Variants in POLA1 observed in about 807,000 individuals in gnomAD.
The protein encoded by POLA1 is DNA polymerase alpha catalytic subunit.
A neutral mutation model predicts 124.0 loss-of-function variants in POLA1; 15 were observed. The observed-to-expected ratio is 0.12, with a 90% CI of 0.08 to 0.19. POLA1 has a LOEUF of 0.19. Ranked by LOEUF, POLA1 falls within the 10% of genes least tolerant of loss-of-function variation. The pLI is 1.00. For synonymous variants in POLA1, 408 were observed against 389.4 expected (o/e 1.05, Z -0.56); for missense variants, 886 against 1,103.4 (o/e 0.80, Z 2.79).
chrX:24,727,006 G>A lies in POLA1; in HGVS notation c.1466G>A (p.Ser489Asn). The change falls in exon 14 of 37, where the codon AGC (serine) becomes AAC (asparagine). Residue 489 changes from serine to asparagine, a missense_variant. By Grantham distance (46) the Ser-to-Asn change is conservative. Coordinates refer to ENST00000379068, the MANE Select transcript of POLA1 (RefSeq NM_001330360.2). The stretch of plus-strand genomic sequence containing the variant: ...CATGTATTTGGGACCAACACATCTA[G>A]CCTGGAACTGTTCTTGATGAACAGA... The part of the protein sequence containing the change: ...FSHVFGTNTS[S>N]LELFLMNRKI... The A allele has an allele frequency of 8.3e-7, 1 of 1,198,420 alleles. No individual in the cohort carries two copies. The highest frequency in any genetic ancestry group is 1.1e-6 in the Non-Finnish European group (1 of 885,757).
At chrX:24,981,563 A>G (rs2048420217) in intron 36 of POLA1, among the ~76,000 whole-genome samples, 1 of 112,648 alleles carries the variant, frequency 8.9e-6, no homozygotes, top group Non-Finnish European at 1.9e-5. Flanking sequence ...GTCACACTAC[A>G]CTATAATCAG....
chrX:24,697,541 A>T (rs1044657293), intron 1 of POLA1, among the ~76,000 whole-genome samples: 11 of 112,219 alleles, frequency 9.8e-5, no homozygotes, highest in Admixed American at 4.7e-4. Context: ...ATAGAGTGTG[A>T]TATTATAAAG....
intron 34 of POLA1, among the ~76,000 whole-genome samples, chrX:24,878,110 G>T (rs887674746): frequency 1.8e-5 from 2 of 110,375 alleles, no homozygotes; most frequent in Non-Finnish European, 3.8e-5. Flanking sequence ...TATTCAAACG[G>T]CCCTTCGAAA....
intron 36 of POLA1, among the ~76,000 whole-genome samples, chrX:24,952,917 T>A (rs1427275574): frequency 8.9e-6 from 1 of 112,195 alleles, no homozygotes; most frequent in Non-Finnish European, 1.9e-5. Context: ...TCATTCATAT[T>A]TTTGTTATTT....
chrX:24,748,191 C>T (rs934062909), intron 24 of POLA1, 120 bp from the exon 25 acceptor site: 7 of 491,199 alleles, frequency 1.4e-5, no homozygotes, highest in Non-Finnish European at 2.4e-5. Flanking sequence ...CATTATTGAC[C>T]TTGTATAAGA....
intron 34 of POLA1, among the ~76,000 whole-genome samples, chrX:24,857,284 C>T (rs922318447): frequency 8.9e-6 from 1 of 111,832 alleles, no homozygotes; most frequent in Non-Finnish European, 1.9e-5. Flanking sequence ...ATTGATCTCT[C>T]TGTTTATTCT....
At chrX:24,742,505 G>T (rs1161863099) in intron 22 of POLA1, among the ~76,000 whole-genome samples, 1 of 111,989 alleles carries the variant, frequency 8.9e-6, no homozygotes, top group Non-Finnish European at 1.9e-5. Flanking sequence ...TTCTGTACTA[G>T]TATGACCAAG....
At chrX:24,965,194 A>T (rs1406990835) in intron 36 of POLA1, among the ~76,000 whole-genome samples, 1 of 112,201 alleles carries the variant, frequency 8.9e-6, no homozygotes, top group South Asian at 3.7e-4. Flanking sequence ...TATGTGCTAG[A>T]ATTATGTATA....
intron 26 of POLA1, among the ~76,000 whole-genome samples, chrX:24,805,097 T>G (rs145507133): frequency 7.2e-5 from 8 of 111,088 alleles, no homozygotes; most frequent in Non-Finnish European, 1.5e-4. Context: ...TAAAATTCCT[T>G]TTCGTATTAT....
chrX:24,830,867 C>T (rs184545515), intron 32 of POLA1, among the ~76,000 whole-genome samples: 45 of 112,006 alleles, frequency 4.0e-4, no homozygotes, highest in Admixed American at 2.0e-3. Flanking sequence ...TATCTCTCCT[C>T]CAATGAGCAA....
At position 24,888,117 on chromosome X, in the gene POLA1, C is replaced by T; in HGVS notation, c.4159C>T (p.Pro1387Ser). ...CPACMKATLQ[P>S]EYSDKSLYTQ... ...AGCCTGCATGAAAGCTACACTTCAA[C>T]CAGAGGTAACAGTCTCATAATGCTA... The change falls in exon 35 of 37, where the codon CCA (proline) becomes TCA (serine). Residue 1387 changes from proline to serine, a missense_variant. This residue lies in a region of POLA1 where 313 missense variants were observed against 359.7 expected (regional missense o/e 0.87). Transcript: ENST00000379068. 1 of 1,127,060 alleles carries T rather than the reference C, an allele frequency of 8.9e-7. No homozygotes were observed. The highest frequency in any genetic ancestry group is 1.2e-6 in the Non-Finnish European group (1 of 818,972). 92.9% of individuals were successfully genotyped at this position (1,127,060 alleles called of 1,213,427 possible). A position where few individuals can be genotyped will look rare whatever the true frequency, so the allele number is the denominator to read the frequency against.
At chrX:24,982,603 G>A (rs1254527859) in intron 36 of POLA1, among the ~76,000 whole-genome samples, 1 of 111,126 alleles carries the variant, frequency 9.0e-6, no homozygotes, top group East Asian at 2.8e-4. Context: ...AGTCGGGGGA[G>A]AGCAAGAACA....
chrX:24,995,657 G>A (rs2048597098), intron 36 of POLA1, 148 bp from the exon 37 acceptor site: 3 of 486,504 alleles, frequency 6.2e-6, no homozygotes, highest in Non-Finnish European at 1.0e-5. Flanking sequence ...AATGGTCGGC[G>A]GGGGCTGCAT....
At chrX:24,903,876 G>A (rs2047317310) in intron 35 of POLA1, among the ~76,000 whole-genome samples, 1 of 109,374 alleles carries the variant, frequency 9.1e-6, no homozygotes, top group African/African-American at 3.3e-5. Context: ...AAAGTAAACA[G>A]TAGCAGGTAG....
At chrX:24,701,971 C>T (rs1294001400) in intron 2 of POLA1, among the ~76,000 whole-genome samples, 1 of 108,501 alleles carries the variant, frequency 9.2e-6, no homozygotes, top group Non-Finnish European at 1.9e-5. Context: ...CCAGGCTGGT[C>T]TTGAACTCCT....
chrX:24,706,894 A>G (rs916528184), intron 4 of POLA1, among the ~76,000 whole-genome samples: 6 of 112,102 alleles, frequency 5.4e-5, no homozygotes, highest in African/African-American at 2.0e-4. Flanking sequence ...TGTAAAACAT[A>G]TGATTTAAAA....
chrX:24,920,759 C>G (rs1057256240), intron 35 of POLA1, among the ~76,000 whole-genome samples: 1 of 111,721 alleles, frequency 9.0e-6, no homozygotes, highest in South Asian at 3.8e-4. Flanking sequence ...AACCATAATG[C>G]AAAGGAGAGT....
intron 1 of POLA1, among the ~76,000 whole-genome samples, chrX:24,695,725 GTC>G (rs1569267853): frequency 9.0e-6 from 1 of 111,718 alleles, no homozygotes; most frequent in Non-Finnish European, 1.9e-5. Context: ...TGATCCACCT[GTC>G]TCTTCCTCCC....
In POLA1 at chrX:24,843,647, C is replaced by T; in HGVS notation, c.4017C>T (p.Asp1339=). Residue 1339 remains aspartate (D), a synonymous_variant, in exon 34 of 37, where the codon GAC becomes GAT. Transcript: ENST00000379068. ...AACTGAGCAACAAATTGATCATGGA[C>T]ATTAGACGTTTCATTAAAAAGTACT... The part of the protein sequence containing the change: ...TVQLSNKLIM[D]IRRFIKKYYD... 1 of 1,175,234 alleles carries T rather than the reference C, an allele frequency of 8.5e-7. No individual in the cohort carries two copies. Among genetic ancestry groups the T allele is most frequent in the Non-Finnish European group, 1.2e-6 (1 of 869,447 alleles).
Sources: gnomAD v4.1 joint callset for allele counts (sites outside exome capture counted in the v4.1 genomes callset) on GRCh38, gnomAD v4.1.1 for gene constraint, gnomAD v4.1.1 regional missense constraint, MANE v1.5 for transcripts, NCBI Gene and HGNC (gene_info 2026-07-23, HGNC 2026-07-21) for gene names.